Variants in TUSC3 observed in about 807,000 individuals in gnomAD.
TUSC3 encodes dolichyl-diphosphooligosaccharide--protein glycosyltransferase subunit TUSC3.
In TUSC3, 45 loss-of-function variants were observed where a neutral mutation model predicts 44.8. That is an observed-to-expected ratio of 1.00 (90% CI 0.79 to 1.29). The LOEUF is 1.29. TUSC3 is among the 50% of genes most tolerant of loss of function. The pLI, the probability that TUSC3 is intolerant of heterozygous loss-of-function variation, is 0.00. For missense variants in TUSC3, 519 were observed against 437.9 expected, an observed-to-expected ratio of 1.19 and a Z score of -1.65; for synonymous variants, 212 against 152.9, an observed-to-expected ratio of 1.39 and a Z score of -2.85.
chr8:15,801,077 C>T, the TUSC3 span, among the ~76,000 whole-genome samples: 1 of 152,130 alleles, frequency 6.6e-6, no homozygotes, highest in African/African-American at 2.4e-5. Flanking sequence ...AAAGTGAAAG[C>T]AAGTTTATTA....
At chr8:15,596,243 A>C (rs1464179601) in intron 1 of TUSC3, among the ~76,000 whole-genome samples, 2 of 152,164 alleles carry the variant, frequency 1.3e-5, no homozygotes, top group African/African-American at 4.8e-5. Context: ...ACTTTATTTG[A>C]ATAATTGCTC....
At chr8:15,778,339 G>A in the TUSC3 span, among the ~76,000 whole-genome samples, 1 of 152,192 alleles carries the variant, frequency 6.6e-6, no homozygotes, top group East Asian at 1.9e-4. Context: ...TACTTTTAGG[G>A]TCCTGGGAAA....
chr8:15,831,052 G>T, the TUSC3 span, among the ~76,000 whole-genome samples: 5 of 152,014 alleles, frequency 3.3e-5, no homozygotes, highest in Non-Finnish European at 5.9e-5. Flanking sequence ...CATCAGTGTG[G>T]AAACCAGCAG....
At chr8:15,654,267 T>C (rs1807051093) in intron 3 of TUSC3, among the ~76,000 whole-genome samples, 1 of 152,146 alleles carries the variant, frequency 6.6e-6, no homozygotes, top group East Asian at 1.9e-4. Context: ...CATATATCCA[T>C]GAGAGAAACA....
intron 6 of TUSC3, among the ~76,000 whole-genome samples, chr8:15,702,569 C>A (rs896958445): frequency 6.6e-6 from 1 of 152,130 alleles, no homozygotes; most frequent in South Asian, 2.1e-4. Context: ...CCAGCTCTTT[C>A]AGCAGTCATC....
At chr8:15,421,744 A>C (rs1226749902) in intron 1 of TUSC3, among the ~76,000 whole-genome samples, 3 of 152,168 alleles carry the variant, frequency 2.0e-5, no homozygotes, top group African/African-American at 7.2e-5. Flanking sequence ...AAGAGAAAGA[A>C]AATGAGGTCT....
intron 2 of TUSC3, among the ~76,000 whole-genome samples, chr8:15,492,649 G>A (rs553538890): frequency 3.9e-5 from 6 of 151,962 alleles, no homozygotes; most frequent in Admixed American, 3.3e-4. Context: ...AAAATGTCAC[G>A]TAACAGGCTG....
At chr8:15,621,293 C>A (rs1311135616) in intron 1 of TUSC3, among the ~76,000 whole-genome samples, 1 of 151,504 alleles carries the variant, frequency 6.6e-6, no homozygotes, top group South Asian at 2.1e-4. Flanking sequence ...AAATATATAA[C>A]AGTTTTCTGT....
intron 6 of TUSC3, among the ~76,000 whole-genome samples, chr8:15,700,849 C>CTGTTTTTTTTTTTTTTT (rs1809367057): frequency 1.1e-5 from 1 of 90,536 alleles, no homozygotes; most frequent in African/African-American, 4.9e-5. Context: ...ATGGCTGGAG[C>CTGTTTTTTTTTTTTTTT]TTTTTTTTTT....
chr8:15,773,482 T>C, the TUSC3 span, among the ~76,000 whole-genome samples: 1 of 152,182 alleles, frequency 6.6e-6, no homozygotes, highest in African/African-American at 2.4e-5. Context: ...ATCAAGTTCA[T>C]ACGTTGAAAA....
chr8:15,510,787 A>C (rs1801123183), intron 2 of TUSC3, among the ~76,000 whole-genome samples: 1 of 152,112 alleles, frequency 6.6e-6, no homozygotes, highest in African/African-American at 2.4e-5. Flanking sequence ...AAAAAACAGA[A>C]AGACAAATAT....
chr8:15,476,006 G>A (rs1335095428), intron 1 of TUSC3, among the ~76,000 whole-genome samples: 1 of 152,130 alleles, frequency 6.6e-6, no homozygotes, highest in African/African-American at 2.4e-5. Context: ...TTGGCTTTCT[G>A]TACATCAAGC....
chr8:15,575,848 C>T (rs1201293548), intron 1 of TUSC3, among the ~76,000 whole-genome samples: 1 of 151,952 alleles, frequency 6.6e-6, no homozygotes, highest in South Asian at 2.1e-4. Context: ...GGAAATTATA[C>T]ATGTTTAGGC....
chr8:15,784,498 ATGTGTG>A, the TUSC3 span, among the ~76,000 whole-genome samples: 2 of 149,582 alleles, frequency 1.3e-5, no homozygotes, highest in East Asian at 2.0e-4. Flanking sequence ...TGTTATGTGT[ATGTGTG>A]TGTGTGTGTG....
chr8:15,558,162 A>AT (rs1370330759), intron 1 of TUSC3, among the ~76,000 whole-genome samples: 5 of 43,242 alleles, frequency 1.2e-4, no homozygotes, highest in Non-Finnish European at 2.7e-4. Flanking sequence ...AGCTCTTATT[A>AT]TTTTGAGATA....
chr8:15,673,104 C>T (rs540731031), intron 5 of TUSC3, among the ~76,000 whole-genome samples: 25 of 152,158 alleles, frequency 1.6e-4, no homozygotes, highest in African/African-American at 6.0e-4. Context: ...CATTCTCTCC[C>T]CACCCTCTCT....
chr8:15,782,007 G>A, the TUSC3 span, among the ~76,000 whole-genome samples: 1 of 152,272 alleles, frequency 6.6e-6, no homozygotes, highest in South Asian at 2.1e-4. Flanking sequence ...GGTGGCAGGT[G>A]CCTATAAATC....
At position 15,716,653 on chromosome 8, in the gene TUSC3, A is replaced by G. The variant is rs185392885; in HGVS notation, c.799-14013A>G. On this transcript the variant is annotated intron_variant, in intron 6 of 10. Transcript: ENST00000503731. ...TAATTATATGCTAATAATATGTACT[A>G]ACTACGAAATATCAATATTTATTTG... 3.3e-4 allele frequency among the ~76,000 whole-genome samples: 51 copies of G among 152,294 alleles called. No homozygotes were observed. The East Asian group carries it at 9.2e-3, about 28-fold the overall frequency.
chr8:15,464,736 A>G (rs567764130), intron 1 of TUSC3, among the ~76,000 whole-genome samples: 1 of 152,208 alleles, frequency 6.6e-6, no homozygotes, highest in Non-Finnish European at 1.5e-5. Context: ...TTGATGTATC[A>G]TTTATTTACA....
Sources: gnomAD v4.1 joint callset for allele counts (sites outside exome capture counted in the v4.1 genomes callset) on GRCh38, gnomAD v4.1.1 for gene constraint, MANE v1.5 for transcripts, NCBI Gene and HGNC (gene_info 2026-07-23, HGNC 2026-07-21) for gene names.